The following BICC1 variants were observed in gnomAD, a reference collection of about 807,000 sequenced individuals.
BICC1 encodes the protein protein bicaudal C homolog 1.
BICC1 carries 43 observed loss-of-function variants against 111.0 expected under a neutral mutation model. The observed-to-expected ratio is 0.39, with a 90% CI of 0.30 to 0.50. The LOEUF (loss-of-function observed/expected upper bound fraction) is 0.50, where lower values mean the gene tolerates loss of function less well. BICC1 is among the 20% of genes least tolerant of loss of function. The pLI, the probability that BICC1 is intolerant of heterozygous loss-of-function variation, is 0.88. For missense variants in BICC1, 1,091 were observed against 1,203.2 expected (o/e 0.91, Z 1.38); for synonymous variants, 467 against 434.4 (o/e 1.07, Z -0.93).
intron 3 of BICC1, among the ~76,000 whole-genome samples, chr10:58,755,266 T>A (rs1300398278): frequency 6.6e-6 from 1 of 152,180 alleles, no homozygotes; most frequent in Non-Finnish European, 1.5e-5. Context: ...GCCCACTGTT[T>A]AGTGTCTAGC....
At chr10:58,604,377 A>C (rs1263765757) in intron 1 of BICC1, among the ~76,000 whole-genome samples, 1 of 152,206 alleles carries the variant, frequency 6.6e-6, no homozygotes, top group Non-Finnish European at 1.5e-5. Context: ...CATGAACAAA[A>C]AAAATTAAGC....
At chr10:58,556,015 C>T (rs1191045218) in intron 1 of BICC1, among the ~76,000 whole-genome samples, 1 of 151,910 alleles carries the variant, frequency 6.6e-6, no homozygotes, top group African/African-American at 2.4e-5. Context: ...TTTAGATAAT[C>T]CATCAATTAT....
In BICC1 at chr10:58,681,100, G is replaced by A. The variant is rs182417390; in HGVS notation, c.238-20974G>A. 4.6e-4 allele frequency among the ~76,000 whole-genome samples: 70 copies of A among 152,334 alleles called. 1 individual carries two copies. Among genetic ancestry groups the A allele is most frequent in the African/African-American group, 1.6e-3 (68 of 41,584 alleles). ...AGAAAACCTAGGCAATACCATTCAG[G>A]ACAGTGGTATGGGCAAAGACTTCAT... On this transcript the variant is annotated intron_variant, in intron 2 of 20. Transcript: ENST00000373886.
intron 1 of BICC1, among the ~76,000 whole-genome samples, chr10:58,569,224 C>G (rs1843866006): frequency 6.6e-6 from 1 of 152,108 alleles, no homozygotes; most frequent in Non-Finnish European, 1.5e-5. Context: ...TAATAATATT[C>G]ATTTGGAGAT....
At chr10:58,660,154 A>G (rs1295325296) in intron 2 of BICC1, among the ~76,000 whole-genome samples, 3 of 152,150 alleles carry the variant, frequency 2.0e-5, no homozygotes, top group Non-Finnish European at 4.4e-5. Flanking sequence ...CAGGACTCCA[A>G]ATCACCAGGT....
At chr10:58,811,287 G>A (rs994274225) in intron 17 of BICC1, among the ~76,000 whole-genome samples, 26 of 152,128 alleles carry the variant, frequency 1.7e-4, no homozygotes, top group Non-Finnish European at 2.6e-4. Context: ...AAAAGCATGA[G>A]TAATGGTCAC....
intron 1 of BICC1, among the ~76,000 whole-genome samples, chr10:58,589,741 A>G (rs921067306): frequency 3.2e-4 from 49 of 152,172 alleles, no homozygotes; most frequent in African/African-American, 1.2e-3. Flanking sequence ...TCCCAAAACA[A>G]TAGGATTACA....
intron 3 of BICC1, among the ~76,000 whole-genome samples, chr10:58,706,396 T>C (rs1437497966): frequency 6.6e-6 from 1 of 152,260 alleles, no homozygotes; most frequent in Non-Finnish European, 1.5e-5. Context: ...TATATTGTGC[T>C]GTGAGCTTCA....
intron 6 of BICC1, 22 bp downstream of exon 6, chr10:58,788,445 A>T (rs1300182896): frequency 1.3e-6 from 2 of 1,544,460 alleles, no homozygotes; most frequent in African/African-American, 1.4e-5. Context: ...TTACTTTAAC[A>T]TTGTAAATTG....
chr10:58,692,605 C>T lies in BICC1; in HGVS notation c.238-9469C>T, dbSNP rs963734454. Among the ~76,000 whole-genome samples, 8 of 152,232 alleles carry T rather than the reference C, an allele frequency of 5.3e-5. No individual in the cohort carries two copies. The South Asian group carries it at 8.3e-4, about 16-fold the overall frequency. On this transcript the variant is annotated intron_variant, in intron 2 of 20. Transcript: ENST00000373886. ...ATGTTGGAAACACTGAAAATTAACA[C>T]GTATTATTTCTTTGTAAAAACTTGT... is the stretch of plus-strand genomic sequence containing the variant.
intron 3 of BICC1, among the ~76,000 whole-genome samples, chr10:58,759,161 T>G (rs1032744164): frequency 6.6e-6 from 1 of 151,962 alleles, no homozygotes; most frequent in African/African-American, 2.4e-5. Context: ...GGTTTTGTCA[T>G]GTTGGCCAGG....
At chr10:58,593,745 G>GATA (rs1844713751) in intron 1 of BICC1, among the ~76,000 whole-genome samples, 1 of 152,086 alleles carries the variant, frequency 6.6e-6, no homozygotes, top group African/African-American at 2.4e-5. Context: ...ACCAAAGGTA[G>GATA]ATAAATCCAC....
intron 2 of BICC1, among the ~76,000 whole-genome samples, chr10:58,692,412 C>T (rs1157741527): frequency 2.0e-5 from 3 of 152,096 alleles, no homozygotes; most frequent in African/African-American, 4.8e-5. Context: ...AAAATGACTA[C>T]GCAAGTTGAA....
At chr10:58,718,944 TGGG>T (rs1840850772) in intron 3 of BICC1, among the ~76,000 whole-genome samples, 1 of 152,216 alleles carries the variant, frequency 6.6e-6, no homozygotes, top group Admixed American at 6.5e-5. Context: ...TTCTATGTGT[TGGG>T]ATTTGAATTC....
At chr10:58,531,417 C>T (rs906694724) in intron 1 of BICC1, among the ~76,000 whole-genome samples, 14 of 151,852 alleles carry the variant, frequency 9.2e-5, no homozygotes, top group Non-Finnish European at 1.8e-4. Flanking sequence ...GCCAGAATCT[C>T]TAGCTGGGCT....
intron 2 of BICC1, among the ~76,000 whole-genome samples, chr10:58,626,431 G>A (rs1422934734): frequency 1.3e-5 from 2 of 152,164 alleles, no homozygotes; most frequent in African/African-American, 2.4e-5. Flanking sequence ...CGTAAAGGTT[G>A]TTTAGTCATC....
intron 1 of BICC1, among the ~76,000 whole-genome samples, chr10:58,518,104 C>A (rs2132502140): frequency 6.6e-6 from 1 of 152,240 alleles, no homozygotes; most frequent in East Asian, 1.9e-4. Flanking sequence ...CTAGATTTTG[C>A]TCAGGACGAG....
intron 19 of BICC1, 116 bp downstream of exon 19, chr10:58,817,838 C>A: frequency 9.4e-7 from 1 of 1,066,518 alleles, no homozygotes; most frequent in East Asian, 2.6e-5. Context: ...TTATTCAAGT[C>A]TCATAGCTTG....
At chr10:58,515,202 T>A (rs1309281665) in intron 1 of BICC1, among the ~76,000 whole-genome samples, 1 of 152,248 alleles carries the variant, frequency 6.6e-6, no homozygotes, top group Non-Finnish European at 1.5e-5. Context: ...TGCTTTGCAG[T>A]AATAGTTTCT....
Sources: allele counts gnomAD v4.1 joint callset (sites outside exome capture counted in the v4.1 genomes callset), GRCh38; gene constraint gnomAD v4.1.1; transcripts MANE v1.5; gene names NCBI Gene and HGNC (gene_info 2026-07-23, HGNC 2026-07-21).